The following DGKZ variants were observed in gnomAD, a reference collection of about 807,000 sequenced individuals.
The protein encoded by DGKZ is DAG kinase zeta.
In DGKZ, 45 loss-of-function variants were observed where a neutral mutation model predicts 142.5. The ratio of observed to expected loss-of-function variants is 0.32; its 90% CI spans 0.25 to 0.40. The LOEUF is 0.40. DGKZ is among the 10% of genes least tolerant of loss of function. The pLI is 1.00. For synonymous variants in DGKZ, 442 were observed against 527.0 expected (o/e 0.84, Z 2.21); for missense variants, 755 against 1,306.5 (o/e 0.58, Z 6.51).
intron 1 of DGKZ, chr11:46,366,297 C>T (rs1465025057): frequency 9.5e-6 from 15 of 1,583,858 alleles, no homozygotes; most frequent in Non-Finnish European, 1.2e-5. Flanking sequence ...GGGAAGGTGC[C>T]AGGCCCTGGA....
Position 46,377,224 on chromosome 11 carries a change from T to TGTCC in DGKZ, c.2342+13_2342+16dup. On this transcript the variant is annotated intron_variant, in intron 25 of 30. Transcript: ENST00000527911. ...TCACCCACGCCCCGGTGAGTCCTGG[T>TGTCC]GTCCCGTCCCTCCAGCCCCTGGCTT... The TGTCC allele has an allele frequency of 1.9e-6, 3 of 1,577,044 alleles. No homozygotes were observed. The highest frequency in any genetic ancestry group is 2.6e-6 in the Non-Finnish European group (3 of 1,160,104).
At chr11:46,376,711 A>T (rs1433724390) in intron 24 of DGKZ, 147 bp downstream of exon 24, 6 of 1,087,136 alleles carry the variant, frequency 5.5e-6, no homozygotes, top group Non-Finnish European at 8.1e-6. Context: ...GTGTGCATGG[A>T]CAGCGTGCGG....
chr11:46,334,656 T>A (rs1009084600), intron 1 of DGKZ, among the ~76,000 whole-genome samples: 3 of 152,148 alleles, frequency 2.0e-5, no homozygotes, highest in African/African-American at 4.8e-5. Context: ...CAGGTTCCCA[T>A]GGGCCCTACC....
rs988810399 is a variant in DGKZ at position 46,342,016 on chromosome 11, T to C, written c.212+8529T>C. Among the ~76,000 whole-genome samples the C allele has an allele frequency of 5.9e-5, 9 of 152,004 alleles. No individual in the cohort carries two copies. The South Asian group carries it at 1.7e-3, about 28-fold the overall frequency. On this transcript the variant is annotated intron_variant, in intron 1 of 30. Coordinates refer to the DGKZ transcript ENST00000343674. Reference sequence around the variant, plus strand: ...CAGCAGAGGATGTCCAGGTCGTGGGTTGAGTGTTTGTTGCCCTGGTACATT... The same window carrying C: ...CAGCAGAGGATGTCCAGGTCGTGGGCTGAGTGTTTGTTGCCCTGGTACATT...
chr11:46,342,316 G>C (rs1018915492), intron 1 of DGKZ, among the ~76,000 whole-genome samples: 3 of 152,186 alleles, frequency 2.0e-5, no homozygotes, highest in African/African-American at 7.2e-5. Flanking sequence ...GCGCCAAGGA[G>C]TGCAAGTTCA....
intron 26 of DGKZ, 21 bp downstream of exon 26, chr11:46,378,250 G>T: frequency 6.3e-7 from 1 of 1,598,774 alleles, no homozygotes; most frequent in Non-Finnish European, 8.5e-7. Flanking sequence ...TCCCTCTGGG[G>T]CCCCTCCTTT....
intron 30 of DGKZ, 97 bp downstream of exon 30, chr11:46,379,665 A>G: frequency 7.5e-7 from 1 of 1,335,850 alleles, no homozygotes; most frequent in Non-Finnish European, 1.0e-6. Context: ...CCCTGGGAAG[A>G]CACAGTCCAG....
chr11:46,360,255 C>T (rs1290542020), intron 1 of DGKZ, among the ~76,000 whole-genome samples: 9 of 152,030 alleles, frequency 5.9e-5, no homozygotes, highest in East Asian at 3.9e-4. Context: ...TTTATATTAA[C>T]GTAATGGGCT....
upstream of DGKZ, among the ~76,000 whole-genome samples, chr11:46,343,597 C>G (rs1480448325): frequency 6.6e-6 from 1 of 152,170 alleles, no homozygotes; most frequent in South Asian, 2.1e-4. Flanking sequence ...TGAATATATG[C>G]CCTAGTATTT....
chr11:46,368,905 G>A, intron 4 of DGKZ: 1 of 175,118 alleles, frequency 5.7e-6, no homozygotes, highest in Non-Finnish European at 1.2e-5. Context: ...AGTGCCAGAG[G>A]GCGAGGAAGA....
intron 1 of DGKZ, among the ~76,000 whole-genome samples, chr11:46,357,102 G>A (rs1942114633): frequency 6.6e-6 from 1 of 152,126 alleles, no homozygotes; most frequent in Non-Finnish European, 1.5e-5. Context: ...TAAAGGAATG[G>A]GTTGGTCATT....
intron 25 of DGKZ, chr11:46,377,775 T>C (rs966979333): frequency 7.3e-6 from 2 of 274,034 alleles, no homozygotes; most frequent in Non-Finnish European, 1.4e-5. Flanking sequence ...CATCAGGTGT[T>C]TGCCACCACT....
intron 1 of DGKZ, among the ~76,000 whole-genome samples, chr11:46,350,728 C>G (rs1941267749): frequency 6.6e-6 from 1 of 152,164 alleles, no homozygotes; most frequent in Non-Finnish European, 1.5e-5. Flanking sequence ...CCTGGCCCCT[C>G]TGGGTAGGAC....
At chr11:46,366,601 C>T (rs1200297347) in intron 1 of DGKZ, 1 of 1,608,014 alleles carries the variant, frequency 6.2e-7, no homozygotes, top group Non-Finnish European at 8.5e-7. Flanking sequence ...GGCTTGTGGG[C>T]ATGAATGAGG....
upstream of DGKZ, among the ~76,000 whole-genome samples, chr11:46,343,225 A>G (rs1301622708): frequency 1.3e-5 from 2 of 152,228 alleles, no homozygotes; most frequent in African/African-American, 2.4e-5. Flanking sequence ...ATTCAGTAAG[A>G]TTTTTGGCAC....
chr11:46,349,748 G>C (rs1941130747), intron 1 of DGKZ, among the ~76,000 whole-genome samples: 1 of 152,172 alleles, frequency 6.6e-6, no homozygotes, highest in African/African-American at 2.4e-5. Context: ...GAGGGGATTT[G>C]CTCAGAGTCA....
At chr11:46,379,727 C>T in intron 30 of DGKZ, 104 bp from the exon 31 acceptor site, 7 of 1,311,250 alleles carry the variant, frequency 5.3e-6, no homozygotes, top group Non-Finnish European at 7.3e-6. Context: ...AGAGAGGCCT[C>T]CCTCCCTGAC....
chr11:46,371,682 A>C, intron 8 of DGKZ, 22 bp from the exon 9 acceptor site: 1 of 1,613,880 alleles, frequency 6.2e-7, no homozygotes, highest in Non-Finnish European at 8.5e-7. Context: ...CCTCGTCACC[A>C]ACACCCCTGC....
In DGKZ at chr11:46,376,286, GC is replaced by G. The variant is rs746316322; in HGVS notation, c.2092-37del. The G allele has an allele frequency of 1.9e-6, 3 of 1,612,378 alleles. No homozygotes were observed. The African/African-American group carries it at 4.0e-5, about 22-fold the overall frequency. On this transcript the variant is annotated intron_variant, in intron 22 of 30. Coordinates refer to ENST00000527911, the Ensembl canonical transcript of DGKZ. ...TACTCCAAGTTCCCTTCCCTCCCTGGCCCCCACTCTATCCCAGCCTGGCCTT... is the reference window on the plus strand; with the variant it reads ...TACTCCAAGTTCCCTTCCCTCCCTGGCCCCACTCTATCCCAGCCTGGCCTT...
Sources: gnomAD v4.1 joint callset for allele counts (sites outside exome capture counted in the v4.1 genomes callset) on GRCh38, gnomAD v4.1.1 for gene constraint, MANE v1.5 for transcripts, NCBI Gene and HGNC (gene_info 2026-07-23, HGNC 2026-07-21) for gene names.